Variants in CRTAC1 observed in about 807,000 individuals in gnomAD.
The protein encoded by CRTAC1 is cartilage acidic protein 1.
Under a neutral mutation model 67.8 loss-of-function variants are expected in CRTAC1, and 37 were observed. The observed-to-expected ratio is 0.55, with a 90% confidence interval of 0.42 to 0.72. CRTAC1 has a LOEUF of 0.72. Ranked by LOEUF, CRTAC1 falls within the 30% of genes least tolerant of loss-of-function variation. The pLI is 0.00. For synonymous variants in CRTAC1, 348 were observed against 371.0 expected (o/e 0.94, Z 0.71); for missense variants, 780 against 931.6 (o/e 0.84, Z 2.12).
chr10:97,895,756 T>C lies in CRTAC1; in HGVS notation c.1317+129A>G. 1.4e-6 allele frequency: 1 copy of C among 726,874 alleles called. No individual in the cohort carries two copies. The highest frequency in any genetic ancestry group is 2.8e-5 in the Admixed American group (1 of 35,794). 45.0% of individuals were successfully genotyped at this position (726,874 alleles called of 1,614,324 possible). A position where few individuals can be genotyped will look rare whatever the true frequency, so the allele number is the denominator to read the frequency against. On this transcript the variant is annotated intron_variant, in intron 10 of 14. Transcript: ENST00000370597. The surrounding 1 kb of genome is among the most constrained non-coding windows in gnomAD (Gnocchi z 4.2). ...GTGCTGCTGGAATTTACTTCCCTCC[T>C]CCAGGGCCCGGGACTTCCATTACCC...
intron 2 of CRTAC1, among the ~76,000 whole-genome samples, chr10:97,947,576 C>T (rs1275627701): frequency 6.6e-6 from 1 of 152,144 alleles, no homozygotes; most frequent in Non-Finnish European, 1.5e-5. Flanking sequence ...GTACACGTTC[C>T]GTGAAAAGCC....
intron 2 of CRTAC1, among the ~76,000 whole-genome samples, chr10:98,004,591 A>G (rs1385780961): frequency 6.6e-6 from 1 of 152,180 alleles, no homozygotes; most frequent in East Asian, 1.9e-4. Flanking sequence ...AAATATTTGC[A>G]TATGTGTGTA....
chr10:97,952,500 T>G (rs1278188601), intron 2 of CRTAC1, among the ~76,000 whole-genome samples: 4 of 137,722 alleles, frequency 2.9e-5, no homozygotes, highest in African/African-American at 1.1e-4. Flanking sequence ...ATCATGCCAT[T>G]GCACTCCAAC....
At chr10:97,898,821 C>T (rs940445475) in intron 8 of CRTAC1, among the ~76,000 whole-genome samples, 14 of 152,062 alleles carry the variant, frequency 9.2e-5, no homozygotes, top group Admixed American at 6.6e-4. Flanking sequence ...AAGGGGGTGA[C>T]CCTGCACACC....
chr10:97,911,442 C>T lies in CRTAC1; in HGVS notation c.716-3295G>A, dbSNP rs1564890343. ...ACTACTAATTAGCCACAATTTATTG[C>T]CATGGCAACCGGACCATAACAGAGA... On this transcript the variant is annotated intron_variant, in intron 5 of 14. Transcript: ENST00000370597. Among the ~76,000 whole-genome samples, 16 of 152,346 alleles carry T rather than the reference C, an allele frequency of 1.1e-4. No individual in the cohort carries two copies. In the South Asian group the frequency reaches 3.3e-3, roughly 32 times the overall value.
intron 14 of CRTAC1, among the ~76,000 whole-genome samples, chr10:97,875,632 C>A (rs2050139061): frequency 6.6e-6 from 1 of 152,174 alleles, no homozygotes; most frequent in African/African-American, 2.4e-5. Context: ...CAGGGAGGGG[C>A]TCGGTTTGCC....
chr10:98,024,744 T>C (rs984554392), intron 1 of CRTAC1, among the ~76,000 whole-genome samples: 5 of 136,008 alleles, frequency 3.7e-5, no homozygotes, highest in African/African-American at 1.3e-4. Context: ...GATTATATTA[T>C]CCTTTTTTTT....
chr10:97,873,884 G>A (rs541821870), intron 14 of CRTAC1, among the ~76,000 whole-genome samples: 5 of 152,236 alleles, frequency 3.3e-5, no homozygotes, highest in African/African-American at 4.8e-5. Context: ...CTCTGCACTC[G>A]GGACCCCCAT....
intron 5 of CRTAC1, among the ~76,000 whole-genome samples, chr10:97,915,129 T>C (rs546501129): frequency 6.6e-6 from 1 of 152,214 alleles, no homozygotes; most frequent in East Asian, 1.9e-4. Flanking sequence ...ACAACCCGGG[T>C]GGGGCTGCCT....
At position 97,973,258 on chromosome 10, in the gene CRTAC1, C is replaced by T. The variant is rs139108838; in HGVS notation, c.225-36892G>A. On this transcript the variant is annotated intron_variant, in intron 2 of 14. Coordinates refer to ENST00000370597, the MANE Select transcript of CRTAC1 (RefSeq NM_018058.7). ...AAGCACAAACTCCCCAGCCACTGTG[C>T]CCTCTGAGGCCGGCTTCACTGTTCA... Among the ~76,000 whole-genome samples, 829 of 152,260 alleles carry T rather than the reference C, an allele frequency of 5.4e-3. 10 individuals are homozygous for T. Among genetic ancestry groups the T allele is most frequent in the African/African-American group, 0.019 (790 of 41,546 alleles).
intron 2 of CRTAC1, among the ~76,000 whole-genome samples, chr10:97,945,431 CT>C (rs773987082): frequency 5.3e-5 from 8 of 152,000 alleles, no homozygotes; most frequent in Non-Finnish European, 1.0e-4. Context: ...GTGTAATGCT[CT>C]TTTTTTTGTT....
chr10:97,936,463 G>T (rs895576831), intron 2 of CRTAC1, 97 bp from the exon 3 acceptor site: 50 of 975,650 alleles, frequency 5.1e-5, no homozygotes, highest in Non-Finnish European at 7.3e-5. Context: ...TCCCGGACAC[G>T]CCATGGGGCA....
chr10:98,021,114 G>A (rs751522684), intron 1 of CRTAC1, among the ~76,000 whole-genome samples: 7 of 152,152 alleles, frequency 4.6e-5, no homozygotes, highest in Non-Finnish European at 1.0e-4. Context: ...ACAAGATGAA[G>A]TTTTGGTAAT....
At position 97,923,369 on chromosome 10, in the gene CRTAC1, C is replaced by T; in HGVS notation, c.453G>A (p.Lys151=). The T allele has an allele frequency of 6.2e-7, 1 of 1,614,154 alleles. No individual in the cohort carries two copies. Among genetic ancestry groups the T allele is most frequent in the East Asian group, 2.2e-5 (1 of 44,868 alleles). The part of the protein sequence containing the change: ...GVATYTDKLF[K]FRNNRWEDIL... ...TGTCTTCCCACCGGTTATTGCGGAA[C>T]TTGAACAACTTGTCGGTGTACGTGG... The change falls in exon 4 of 15, where the codon AAG becomes AAA. Residue 151 remains lysine (K), a synonymous_variant. Coordinates refer to ENST00000370597, the MANE Select transcript of CRTAC1 (RefSeq NM_018058.7).
chr10:97,882,454 G>A (rs2136539863), intron 13 of CRTAC1, among the ~76,000 whole-genome samples: 3 of 152,266 alleles, frequency 2.0e-5, no homozygotes, highest in Middle Eastern at 6.8e-3. Context: ...TGCTCCACAT[G>A]GACTTGCTGG....
Position 97,895,258 on chromosome 10 carries a change from T to G in CRTAC1, c.1473A>C (p.Ala491=), listed in dbSNP as rs781573154. 1 of 1,611,616 alleles carries G rather than the reference T, an allele frequency of 6.2e-7. No individual in the cohort carries two copies. The highest frequency in any genetic ancestry group is 8.5e-7 in the Non-Finnish European group (1 of 1,179,986). Residue 491 remains alanine, a synonymous_variant, in exon 11 of 15, where the codon GCA becomes GCC. Coordinates refer to ENST00000370597, the MANE Select transcript of CRTAC1 (RefSeq NM_018058.7). This position sits in a 1 kb window ranked among gnomAD's most constrained non-coding sequence, Gnocchi z 4.2. ...ACCCCGACTCACCCAGGCCAAAGTG[T>G]GCCACGGGCTCCATCTCACACAGGT... ...SGYLCEMEPV[A]HFGLGKDEAS... is the part of the protein sequence containing the mutation.
At chr10:97,943,953 A>G (rs1227974178) in intron 2 of CRTAC1, among the ~76,000 whole-genome samples, 7 of 152,262 alleles carry the variant, frequency 4.6e-5, no homozygotes, top group African/African-American at 1.7e-4. Context: ...GATAATTATC[A>G]TAACAACAAA....
intron 2 of CRTAC1, among the ~76,000 whole-genome samples, chr10:97,970,398 C>A (rs941963676): frequency 2.0e-5 from 3 of 152,212 alleles, no homozygotes; most frequent in Non-Finnish European, 4.4e-5. Context: ...CTTCTCCTAA[C>A]GGCTTTCTTC....
intron 14 of CRTAC1, chr10:97,879,554 G>A: frequency 1.7e-6 from 2 of 1,198,808 alleles, no homozygotes; most frequent in Non-Finnish European, 2.2e-6. Context: ...GGCCACCCCT[G>A]TTGTCCATTC....
Sources: gnomAD v4.1 joint callset for allele counts (sites outside exome capture counted in the v4.1 genomes callset) on GRCh38, gnomAD v4.1.1 for gene constraint, Gnocchi (gnomAD v3.1) non-coding constraint, MANE v1.5 for transcripts, NCBI Gene and HGNC (gene_info 2026-07-23, HGNC 2026-07-21) for gene names.